The following ME3 variants were observed in gnomAD, a reference collection of about 807,000 sequenced individuals.
The protein encoded by ME3 is malic enzyme 3, also known as NADP-dependent malic enzyme, mitochondrial.
A neutral mutation model predicts 68.9 loss-of-function variants in ME3; 48 were observed. The observed-to-expected ratio is 0.70, with a 90% confidence interval of 0.55 to 0.89. The LOEUF is 0.89. Ranked by LOEUF, ME3 falls within the 40% of genes least tolerant of loss-of-function variation. The pLI, the probability that ME3 is intolerant of heterozygous loss-of-function variation, is 0.00. For synonymous variants in ME3, 320 were observed against 318.8 expected (o/e 1.00, Z -0.04); for missense variants, 675 against 797.4 (o/e 0.85, Z 1.85).
chr11:86,623,663 CAAGTA>C (rs1943484115), intron 2 of ME3, among the ~76,000 whole-genome samples: 1 of 152,164 alleles, frequency 6.6e-6, no homozygotes, highest in Non-Finnish European at 1.5e-5. Context: ...AGTCGAGAGT[CAAGTA>C]ACCAAGGCAT....
chr11:86,601,674 C>G (rs1960689802), intron 2 of ME3, among the ~76,000 whole-genome samples: 1 of 151,880 alleles, frequency 6.6e-6, no homozygotes. Flanking sequence ...AGACCGATAT[C>G]CTTGATGAAC....
At chr11:86,497,149 C>A (rs1191601293) in intron 6 of ME3, among the ~76,000 whole-genome samples, 1 of 151,948 alleles carries the variant, frequency 6.6e-6, no homozygotes, top group Middle Eastern at 3.2e-3. Flanking sequence ...ACACCTAGCT[C>A]ATTTTTGTAT....
chr11:86,525,466 A>G (rs1367335531), intron 4 of ME3, among the ~76,000 whole-genome samples: 1 of 152,132 alleles, frequency 6.6e-6, no homozygotes, highest in Non-Finnish European at 1.5e-5. Flanking sequence ...TTTGAATGTA[A>G]ATGAATTAAT....
intron 13 of ME3, 25 bp from the exon 14 acceptor site, chr11:86,442,944 G>A (rs757634865): frequency 1.3e-6 from 2 of 1,575,094 alleles, no homozygotes; most frequent in Non-Finnish European, 1.7e-6. Flanking sequence ...AGAACCGAGA[G>A]GAATAAGCTG....
intron 8 of ME3, chr11:86,464,253 T>C (rs1950367469): frequency 2.9e-6 from 1 of 342,938 alleles, no homozygotes; most frequent in Non-Finnish European, 5.7e-6. Context: ...ACTTCATTTG[T>C]TAAAGCATCA....
chr11:86,605,845 G>T (rs1410041451), intron 2 of ME3, among the ~76,000 whole-genome samples: 2 of 151,564 alleles, frequency 1.3e-5, no homozygotes, highest in African/African-American at 4.9e-5. Context: ...CCAAACACCA[G>T]TTTTTTTTCC....
chr11:86,614,687 C>A (rs185412946), intron 2 of ME3, among the ~76,000 whole-genome samples: 2 of 152,072 alleles, frequency 1.3e-5, no homozygotes, highest in African/African-American at 4.8e-5. Context: ...TTTTCATAGT[C>A]TCTCAAAGCT....
intron 8 of ME3, among the ~76,000 whole-genome samples, chr11:86,457,944 A>G (rs1203526724): frequency 1.3e-5 from 2 of 152,180 alleles, no homozygotes; most frequent in Non-Finnish European, 2.9e-5. Context: ...ATGCTGAACA[A>G]TAGATTATTG....
chr11:86,523,279 T>C (rs1165172445), intron 4 of ME3, among the ~76,000 whole-genome samples: 1 of 152,186 alleles, frequency 6.6e-6, no homozygotes, highest in Non-Finnish European at 1.5e-5. Flanking sequence ...GTCTGGGAGG[T>C]ATATGTTGTT....
At chr11:86,551,010 G>A (rs1956647969) in intron 4 of ME3, among the ~76,000 whole-genome samples, 1 of 151,832 alleles carries the variant, frequency 6.6e-6, no homozygotes, top group South Asian at 2.1e-4. Flanking sequence ...CCGGTGGGCT[G>A]GTGGAGGTGG....
intron 2 of ME3, among the ~76,000 whole-genome samples, chr11:86,567,008 G>A (rs539075156): frequency 5.3e-5 from 8 of 151,920 alleles, no homozygotes; most frequent in Non-Finnish European, 8.8e-5. Context: ...ACCTGAAGTC[G>A]GGAGTTCAAG....
intron 4 of ME3, among the ~76,000 whole-genome samples, chr11:86,518,084 T>C (rs1375927172): frequency 6.6e-6 from 1 of 152,224 alleles, no homozygotes; most frequent in East Asian, 1.9e-4. Context: ...CCAAACCTTT[T>C]CTGAGTGAGA....
chr11:86,592,926 G>A (rs1171212935), intron 2 of ME3, among the ~76,000 whole-genome samples: 1 of 152,104 alleles, frequency 6.6e-6, no homozygotes, highest in Admixed American at 6.6e-5. Flanking sequence ...CTGGCTCCAT[G>A]GGTTACTAAG....
chr11:86,559,868 A>ATGTGT, intron 2 of ME3, 45 bp from the exon 3 acceptor site: 1 of 1,589,384 alleles, frequency 6.3e-7, no homozygotes. Flanking sequence ...GTGCATACTC[A>ATGTGT]GGAGACAAAG....
At chr11:86,482,799 C>T (rs1284893822) in intron 7 of ME3, among the ~76,000 whole-genome samples, 2 of 151,884 alleles carry the variant, frequency 1.3e-5, no homozygotes, top group Non-Finnish European at 1.5e-5. Flanking sequence ...ACAGAGGAGC[C>T]CAACCTTTCC....
chr11:86,552,619 G>T (rs1434705355), intron 4 of ME3, among the ~76,000 whole-genome samples: 1 of 152,014 alleles, frequency 6.6e-6, no homozygotes, highest in East Asian at 1.9e-4. Context: ...GCTGTTCCTG[G>T]GTTATAAATC....
chr11:86,586,709 A>G (rs1318316290), intron 2 of ME3, among the ~76,000 whole-genome samples: 1 of 152,192 alleles, frequency 6.6e-6, no homozygotes, highest in South Asian at 2.1e-4. Context: ...TTGTGGTGGT[A>G]GCTGTTTTTT....
At chr11:86,531,814 C>T (rs372246297) in intron 4 of ME3, among the ~76,000 whole-genome samples, 8 of 97,756 alleles carry the variant, frequency 8.2e-5, no homozygotes, top group South Asian at 3.5e-4. Context: ...CATCACACAC[C>T]GGGGCCTATT....
intron 2 of ME3, among the ~76,000 whole-genome samples, chr11:86,595,306 T>TATAG (rs371436753): frequency 0.036 from 2,856 of 79,778 alleles, 161 homozygotes; most frequent in East Asian, 0.052. Flanking sequence ...TATATATATA[T>TATAG]AGAGAGAGAG....
Sources: gnomAD v4.1 joint callset for allele counts (sites outside exome capture counted in the v4.1 genomes callset) on GRCh38, gnomAD v4.1.1 for gene constraint, MANE v1.5 for transcripts, NCBI Gene and HGNC (gene_info 2026-07-23, HGNC 2026-07-21) for gene names.